Variants in PPP3R1 observed in about 807,000 individuals in gnomAD.
The protein encoded by PPP3R1 is calcineurin subunit B type 1.
In PPP3R1, 5 loss-of-function variants were observed where a neutral mutation model predicts 22.6. The observed-to-expected ratio is 0.22, with a 90% CI of 0.12 to 0.46. The LOEUF (loss-of-function observed/expected upper bound fraction) is 0.46. Among genes scored for constraint, PPP3R1 ranks in the 20% least tolerant of loss-of-function variants. The probability of loss-of-function intolerance (pLI) is 0.99; values close to 1 mark genes in which losing one functional copy is unlikely to be tolerated. For synonymous variants in PPP3R1, 56 were observed against 65.2 expected, an observed-to-expected ratio of 0.86 and a Z score of 0.68; for missense variants, 61 against 203.2, an observed-to-expected ratio of 0.30 and a Z score of 4.25.
At chr2:68,216,111 C>G (rs1260350229) in intron 2 of PPP3R1, among the ~76,000 whole-genome samples, 1 of 151,968 alleles carries the variant, frequency 6.6e-6, no homozygotes, top group Non-Finnish European at 1.5e-5. Flanking sequence ...TGAACATGCC[C>G]TTTATACAAC....
At chr2:68,199,693 T>C (rs1674932746) in intron 2 of PPP3R1, among the ~76,000 whole-genome samples, 1 of 152,216 alleles carries the variant, frequency 6.6e-6, no homozygotes, top group East Asian at 1.9e-4. Context: ...CCAAACACTT[T>C]GCTGTAATTA....
chr2:68,184,727 C>A (rs1674497847), intron 5 of PPP3R1, among the ~76,000 whole-genome samples: 1 of 152,138 alleles, frequency 6.6e-6, no homozygotes, highest in African/African-American at 2.4e-5. Flanking sequence ...GTTTTAAAAA[C>A]ACAACGAACA....
chr2:68,187,863 TA>T (rs1321711400), intron 3 of PPP3R1, among the ~76,000 whole-genome samples: 4 of 84,496 alleles, frequency 4.7e-5, no homozygotes, highest in East Asian at 2.8e-4. Context: ...ATTTACTTGT[TA>T]AAACAAACAA....
chr2:68,239,870 A>G lies in PPP3R1; in HGVS notation c.3+12255T>C, dbSNP rs191123155. Among the ~76,000 whole-genome samples the G allele has an allele frequency of 2.6e-5, 4 of 152,346 alleles. No homozygotes were observed. The East Asian group carries it at 7.7e-4, about 29-fold the overall frequency. On this transcript the variant is annotated intron_variant, in intron 1 of 5. Transcript: ENST00000234310. ...GTAAACCAAATGAAAACCTAAGAGT[A>G]CACAGATGGTCGCTAACTTAAAGCG...
intron 1 of PPP3R1, among the ~76,000 whole-genome samples, chr2:68,251,676 T>A (rs1670359515): frequency 6.6e-6 from 1 of 152,086 alleles, no homozygotes; most frequent in South Asian, 2.1e-4. Flanking sequence ...TAAAGTGCCA[T>A]TTGCCACATA....
At chr2:68,195,689 T>TA (rs1481195600) in intron 2 of PPP3R1, among the ~76,000 whole-genome samples, 4 of 151,826 alleles carry the variant, frequency 2.6e-5, no homozygotes, top group Non-Finnish European at 4.4e-5. Context: ...GATGCTCCTG[T>TA]AAAAAAAATA....
intron 1 of PPP3R1, among the ~76,000 whole-genome samples, chr2:68,241,940 G>C (rs2103809488): frequency 6.6e-6 from 1 of 151,606 alleles, no homozygotes; most frequent in Admixed American, 6.6e-5. Flanking sequence ...GGAAACTTCT[G>C]CCACAATGGA....
In PPP3R1 at chr2:68,188,494, AAAAAT is replaced by A; in HGVS notation, c.220+15_220+19del. 6.4e-7 allele frequency: 1 copy of A among 1,558,838 alleles called. No individual in the cohort carries two copies. Among genetic ancestry groups the A allele is most frequent in the South Asian group, 1.2e-5 (1 of 83,606 alleles). Reference sequence around the variant, plus strand: ...ATAGGTTAGATAACTTGTGGTTATAAAAAATAACTACTTTCTTACCTTTAAAGTCT... The same window carrying A: ...ATAGGTTAGATAACTTGTGGTTATAAAACTACTTTCTTACCTTTAAAGTCT... On this transcript the variant is annotated intron_variant, in intron 3 of 5. Coordinates refer to ENST00000234310, the MANE Select transcript of PPP3R1 (RefSeq NM_000945.4).
chr2:68,206,115 G>A (rs933189678), intron 2 of PPP3R1, among the ~76,000 whole-genome samples: 10 of 152,202 alleles, frequency 6.6e-5, no homozygotes, highest in Non-Finnish European at 1.2e-4. Context: ...ACCGCGCCCG[G>A]CGGCTCTTAA....
intron 1 of PPP3R1, among the ~76,000 whole-genome samples, chr2:68,243,845 C>T (rs993109481): frequency 2.6e-5 from 4 of 151,628 alleles, no homozygotes; most frequent in African/African-American, 7.3e-5. Context: ...AAAACTTTTA[C>T]GATCAATCTT....
At chr2:68,239,075 A>C (rs1670070370) in intron 1 of PPP3R1, among the ~76,000 whole-genome samples, 1 of 152,248 alleles carries the variant, frequency 6.6e-6, no homozygotes, top group Non-Finnish European at 1.5e-5. Context: ...TATTTGAAGC[A>C]AAGTTATTAA....
At chr2:68,199,314 G>T (rs1027463530) in intron 2 of PPP3R1, among the ~76,000 whole-genome samples, 1 of 152,074 alleles carries the variant, frequency 6.6e-6, no homozygotes, top group Non-Finnish European at 1.5e-5. Flanking sequence ...CACTGTTTGG[G>T]TATATTATCC....
intron 1 of PPP3R1, among the ~76,000 whole-genome samples, chr2:68,240,961 CGCAGAA>C (rs1670113273): frequency 6.6e-6 from 1 of 152,164 alleles, no homozygotes. Flanking sequence ...TAGAAAAGGT[CGCAGAA>C]GCCAAAAGAG....
In PPP3R1 at chr2:68,252,420, G is replaced by C. The variant is rs1312670236; in HGVS notation, c.-293C>G. 2 of 995,868 alleles carry C rather than the reference G, an allele frequency of 2.0e-6. No homozygotes were observed. The highest frequency in any genetic ancestry group is 2.4e-6 in the Non-Finnish European group (2 of 837,802). The allele number at this position is 995,868 out of a possible 1,614,324, so 61.7% of individuals were successfully genotyped here. A position where few individuals can be genotyped will look rare whatever the true frequency, so the allele number is the denominator to read the frequency against. Reference sequence around the variant, plus strand: ...GGAGAGGCAGAGAAGAAGAAAGGAGGGGGAGAGGGGGCGAAGACGGCCGGG... The same window carrying C: ...GGAGAGGCAGAGAAGAAGAAAGGAGCGGGAGAGGGGGCGAAGACGGCCGGG... On this transcript the variant is annotated 5_prime_UTR_variant, in exon 1 of 6. Transcript: ENST00000234310.
chr2:68,246,301 C>G (rs1490585360), intron 1 of PPP3R1, among the ~76,000 whole-genome samples: 4 of 151,820 alleles, frequency 2.6e-5, no homozygotes, highest in African/African-American at 7.3e-5. Flanking sequence ...TCTCTAACTC[C>G]CGACCTCATG....
chr2:68,199,801 T>G (rs1572957966), intron 2 of PPP3R1, among the ~76,000 whole-genome samples: 1 of 152,204 alleles, frequency 6.6e-6, no homozygotes. Flanking sequence ...TTGGTTGTGT[T>G]TTATCATCCT....
intron 1 of PPP3R1, among the ~76,000 whole-genome samples, chr2:68,225,017 A>AT (rs1669756182): frequency 6.6e-6 from 1 of 152,254 alleles, no homozygotes; most frequent in South Asian, 2.1e-4. Context: ...GGCATAATAA[A>AT]TATGGCTATA....
At chr2:68,234,199 C>T (rs1280011321) in intron 1 of PPP3R1, among the ~76,000 whole-genome samples, 1 of 152,044 alleles carries the variant, frequency 6.6e-6, no homozygotes, top group Non-Finnish European at 1.5e-5. Context: ...AAAAATTAGT[C>T]GGGCATGGTG....
chr2:68,202,959 T>A (rs1675017073), intron 2 of PPP3R1, among the ~76,000 whole-genome samples: 1 of 151,990 alleles, frequency 6.6e-6, no homozygotes, highest in Admixed American at 6.6e-5. Context: ...CCCACCACCA[T>A]ACCCGGCTAA....
Sources: gnomAD v4.1 joint callset for allele counts (sites outside exome capture counted in the v4.1 genomes callset) on GRCh38, gnomAD v4.1.1 for gene constraint, MANE v1.5 for transcripts, NCBI Gene and HGNC (gene_info 2026-07-23, HGNC 2026-07-21) for gene names.